BDNF: variants seen among roughly 807,000 people sequenced by gnomAD.
BDNF encodes neurotrophic factor BDNF precursor form.
A neutral mutation model predicts 19.5 loss-of-function variants in BDNF; 1 was observed. That is an observed-to-expected ratio of 0.05 (90% confidence interval 0.02 to 0.24). The LOEUF (loss-of-function observed/expected upper bound fraction) is 0.24. BDNF is among the 10% of genes least tolerant of loss of function. The pLI is 1.00. For missense variants in BDNF, 195 were observed against 317.6 expected (o/e 0.61, Z 2.93); for synonymous variants, 100 against 121.6 (o/e 0.82, Z 1.17).
At chr11:27,709,281 A>G (rs1860235350) in intron 1 of BDNF, among the ~76,000 whole-genome samples, 1 of 152,174 alleles carries the variant, frequency 6.6e-6, no homozygotes, top group Non-Finnish European at 1.5e-5. Flanking sequence ...AAATGAAGTA[A>G]CTCTGAAATA....
chr11:27,674,652 A>G, intron 1 of BDNF: 1 of 985,406 alleles, frequency 1.0e-6, no homozygotes, highest in Non-Finnish European at 1.2e-6. Flanking sequence ...GAATGCACCT[A>G]TATGGAAACA....
chr11:27,711,541 G>T (rs73446390), intron 1 of BDNF, among the ~76,000 whole-genome samples: 4 of 152,176 alleles, frequency 2.6e-5, no homozygotes, highest in Admixed American at 1.3e-4. Flanking sequence ...GATAATGGGA[G>T]ACCCAGATTA....
intron 1 of BDNF, chr11:27,691,101 A>G (rs1858203060): frequency 6.6e-6 from 1 of 152,222 alleles, no homozygotes; most frequent in Admixed American, 6.5e-5. Context: ...ACACCTGAAA[A>G]TCAGAGAGGA....
upstream of BDNF, chr11:27,700,766 TCCAGCCCCAGCC>T (rs1302241902): frequency 8.4e-7 from 1 of 1,194,148 alleles, no homozygotes; most frequent in African/African-American, 1.6e-5. Context: ...CGAGGGGTGT[TCCAGCCCCAGCC>T]TCAGCCCCGG....
chr11:27,710,611 T>TGTAAGACTATAAGC (rs1860285608), intron 1 of BDNF, among the ~76,000 whole-genome samples: 1 of 152,224 alleles, frequency 6.6e-6, no homozygotes, highest in Non-Finnish European at 1.5e-5. Flanking sequence ...GCCTTGTAAT[T>TGTAAGACTATAAGC]ACGTTTTAGA....
intron 1 of BDNF, chr11:27,660,404 TCTATTCCG>T (rs2133804171): frequency 3.2e-6 from 1 of 309,168 alleles, no homozygotes; most frequent in Non-Finnish European, 6.1e-6. Flanking sequence ...AATACAGATG[TCTATTCCG>T]CTAACAACTA....
intron 1 of BDNF, among the ~76,000 whole-genome samples, chr11:27,669,320 G>T (rs181769189): frequency 1.6e-3 from 237 of 152,280 alleles, no homozygotes; most frequent in African/African-American, 5.7e-3. Flanking sequence ...GGCAAAAGCT[G>T]GAAGCATTCC....
At chr11:27,721,456 C>G (rs1001199180) in exon 1 of BDNF, 1 of 1,612,292 alleles carries the variant, frequency 6.2e-7, no homozygotes, top group East Asian at 2.2e-5. Flanking sequence ...CTTAAAATCT[C>G]GTCTCCCCAA....
intron 1 of BDNF, among the ~76,000 whole-genome samples, chr11:27,690,445 A>G (rs1858095723): frequency 6.6e-6 from 1 of 152,118 alleles, no homozygotes; most frequent in South Asian, 2.1e-4. Context: ...AGATTCACAC[A>G]CACACACACA....
rs1051252701 is a variant in BDNF, at chr11:27,656,911, C to T, written c.*910G>A. ...TGGTAAAATATTTCAGAACGCGCAA[C>T]TGATTTTTCTTCCTTAAAACAAAAC... On this transcript the variant is annotated 3_prime_UTR_variant, in exon 2 of 2. Coordinates refer to ENST00000356660, the MANE Select transcript of BDNF (RefSeq NM_001709.5). The T allele has an allele frequency of 1.0e-6, 1 of 985,220 alleles. No individual in the cohort carries two copies. The highest frequency in any genetic ancestry group is 1.1e-4 in the East Asian group (1 of 8,806). The allele number at this position is 985,220 out of a possible 1,614,324, so 61.0% of individuals were successfully genotyped here.
chr11:27,675,370 A>G (rs1855948568), intron 1 of BDNF: 1 of 152,200 alleles, frequency 6.6e-6, no homozygotes, highest in African/African-American at 2.4e-5. Context: ...CTATGCATGA[A>G]GGTCATTTGT....
At chr11:27,679,739 C>A (rs2133950915) in intron 1 of BDNF, among the ~76,000 whole-genome samples, 1 of 152,242 alleles carries the variant, frequency 6.6e-6, no homozygotes, top group South Asian at 2.1e-4. Context: ...TTTATGTGAA[C>A]AAAGGGACAA....
intron 1 of BDNF, chr11:27,699,668 G>T: frequency 7.0e-7 from 1 of 1,419,328 alleles, no homozygotes; most frequent in Non-Finnish European, 9.2e-7. Context: ...GTAGCCGTGT[G>T]CAGCTCCGGG....
At chr11:27,673,198 T>G (rs1276368416) in intron 1 of BDNF, among the ~76,000 whole-genome samples, 10 of 144,254 alleles carry the variant, frequency 6.9e-5, no homozygotes, top group African/African-American at 2.4e-4. Context: ...GAAAGCCAGG[T>G]GGGGCTTTGT....
chr11:27,660,090 CA>C, intron 1 of BDNF: 1 of 694,712 alleles, frequency 1.4e-6, no homozygotes, highest in Non-Finnish European at 1.9e-6. Flanking sequence ...TCATGATATC[CA>C]AATAAGTAGG....
rs8192466 is a variant in BDNF at position 27,658,560 on chromosome 11, G to A, written c.5C>T (p.Thr2Ile). 2.2e-3 allele frequency: 3,565 copies of A among 1,614,178 alleles called. 7 individuals carry two copies. Among genetic ancestry groups the A allele is most frequent in the Middle Eastern group, 3.8e-3 (23 of 6,062 alleles). Residue 2 changes from threonine (T) to isoleucine (I), a missense_variant, in exon 2 of 2, where the codon ACC (threonine) becomes ATC (isoleucine). Thr to Ile is a moderately conservative substitution (Grantham distance 89, BLOSUM62 -1). Coordinates refer to ENST00000356660, the MANE Select transcript of BDNF (RefSeq NM_001709.5). The surrounding 1 kb of genome is among the most constrained non-coding windows in gnomAD (Gnocchi z 5.7). Reference sequence around the variant, plus strand: ...AATAACCATAGTAAGGAAAAGGATGGTCATCACTCTTCTCACCTGGTGGAA... The same window carrying A: ...AATAACCATAGTAAGGAAAAGGATGATCATCACTCTTCTCACCTGGTGGAA... Reference protein sequence around the residue: MTILFLTMVISY... With the variant: MIILFLTMVISY...
chr11:27,664,236 A>C (rs1353122898), intron 1 of BDNF, among the ~76,000 whole-genome samples: 2 of 152,172 alleles, frequency 1.3e-5, no homozygotes, highest in Non-Finnish European at 2.9e-5. Context: ...GAAATCTTGC[A>C]AATCAATATT....
chr11:27,682,337 TG>T (rs1429235424), intron 1 of BDNF, among the ~76,000 whole-genome samples: 68 of 151,892 alleles, frequency 4.5e-4, no homozygotes, highest in Admixed American at 1.2e-3. Flanking sequence ...GTAATTCTGA[TG>T]CTGAATGTGT....
rs1328268609 is a variant in BDNF at position 27,654,902 on chromosome 11, C to T, written c.*2919G>A. On this transcript the variant is annotated 3_prime_UTR_variant, in exon 2 of 2. Transcript: ENST00000356660. ...ACCCAGAACCCCCAGATTTTATGTA[C>T]TTTGAAAATATATTTAAAAACATTA... The T allele has an allele frequency of 6.6e-6, 1 of 152,168 alleles. No homozygotes were observed. The highest frequency in any genetic ancestry group is 1.9e-4 in the East Asian group (1 of 5,184). 9.4% of individuals were successfully genotyped at this position (152,168 alleles called of 1,614,324 possible).
Sources: gnomAD v4.1 joint callset for allele counts (sites outside exome capture counted in the v4.1 genomes callset) on GRCh38, gnomAD v4.1.1 for gene constraint, Gnocchi (gnomAD v3.1) non-coding constraint, MANE v1.5 for transcripts, NCBI Gene and HGNC (gene_info 2026-07-23, HGNC 2026-07-21) for gene names.